The following INSL6 variants were observed in gnomAD, a reference collection of about 807,000 sequenced individuals.
The protein encoded by INSL6 is insulin like 6.
Under a neutral mutation model 9.4 loss-of-function variants are expected in INSL6, and 16 were observed. That is an observed-to-expected ratio of 1.70 (90% CI 1.15 to 2.59). INSL6 has a LOEUF of 2.59. Ranked by LOEUF, INSL6 falls within the 30% of genes most tolerant of loss-of-function variation. INSL6 has a pLI of 0.00. For missense variants in INSL6, 391 were observed against 257.3 expected (o/e 1.52, Z -3.56); for synonymous variants, 154 against 96.9 (o/e 1.59, Z -3.46).
chr9:4,997,035 C>G, the INSL6 span, among the ~76,000 whole-genome samples: 1 of 149,652 alleles, frequency 6.7e-6, no homozygotes, highest in Non-Finnish European at 1.5e-5. Context: ...GTCCAGTGAT[C>G]CTCCTACCTC....
the INSL6 span, chr9:5,064,915 G>C: frequency 6.3e-7 from 1 of 1,594,484 alleles, no homozygotes; most frequent in African/African-American, 1.4e-5. Flanking sequence ...GGGAAGCTTT[G>C]TCTTTCGTGT....
the INSL6 span, chr9:5,110,871 G>A: frequency 9.8e-6 from 5 of 512,132 alleles, no homozygotes; most frequent in Non-Finnish European, 1.9e-5. Flanking sequence ...GCCGCGCCCA[G>A]CAGGGTTTCC....
chr9:5,121,235 C>T (rs1823597446), downstream of INSL6, among the ~76,000 whole-genome samples: 1 of 152,144 alleles, frequency 6.6e-6, no homozygotes, highest in South Asian at 2.1e-4. Flanking sequence ...TGATGTGTAT[C>T]ACAAGCAGTC....
chr9:5,073,514 G>A, the INSL6 span, among the ~76,000 whole-genome samples: 1 of 152,072 alleles, frequency 6.6e-6, no homozygotes, highest in Non-Finnish European at 1.5e-5. Flanking sequence ...CTTACACAGG[G>A]GTTTCCTCAG....
At chr9:5,103,697 C>A in the INSL6 span, among the ~76,000 whole-genome samples, 1 of 152,064 alleles carries the variant, frequency 6.6e-6, no homozygotes, top group Admixed American at 6.5e-5. Flanking sequence ...CGTAAAAGAA[C>A]AGATATCACA....
chr9:5,089,500 T>C, the INSL6 span, among the ~76,000 whole-genome samples: 1 of 122,008 alleles, frequency 8.2e-6, no homozygotes, highest in Non-Finnish European at 1.6e-5. Context: ...ATCGTGCCAC[T>C]GCACTCCAAC....
At chr9:5,157,101 C>G (rs978713545) in intron 2 of INSL6, among the ~76,000 whole-genome samples, 2 of 152,052 alleles carry the variant, frequency 1.3e-5, no homozygotes, top group African/African-American at 4.8e-5. Context: ...CAAAATATTG[C>G]TGAAATTAAA....
At chr9:5,160,056 ATTCCAGCT>A (rs1824893172), downstream of INSL6, among the ~76,000 whole-genome samples, 1 of 151,966 alleles carries the variant, frequency 6.6e-6, no homozygotes, top group South Asian at 2.1e-4. Flanking sequence ...GGTGCCTGTA[ATTCCAGCT>A]ACTCAGGAGG....
the INSL6 span, among the ~76,000 whole-genome samples, chr9:5,077,299 C>T: frequency 2.0e-5 from 3 of 150,762 alleles, no homozygotes; most frequent in Non-Finnish European, 3.0e-5. Context: ...AAATATAATG[C>T]TGTGTATCCA....
chr9:5,114,273 C>G, the INSL6 span: 1 of 544,844 alleles, frequency 1.8e-6, no homozygotes, highest in South Asian at 1.6e-5. Context: ...GGACCTGGCA[C>G]CCAGCAAGGA....
At chr9:5,120,191 T>G (rs559253860), downstream of INSL6, among the ~76,000 whole-genome samples, 1 of 152,318 alleles carries the variant, frequency 6.6e-6, no homozygotes, top group South Asian at 2.1e-4. Flanking sequence ...TGTCCTCACA[T>G]GGACAAAAGT....
At position 5,149,407 on chromosome 9, in the gene INSL6, C is replaced by T. The variant is rs570436281; in HGVS notation, c.376+14772G>A. Among the ~76,000 whole-genome samples the T allele has an allele frequency of 8.5e-5, 13 of 152,262 alleles. No homozygotes were observed. In the East Asian group the frequency reaches 2.1e-3, roughly 25 times the overall value. On this transcript the variant is annotated intron_variant, in intron 2 of 3. Transcript: ENST00000649639. ...GCATCTACTCAGCCATCTTGCTTAC[C>T]TTCCTACCCACCATGATCTCAGCAG...
At chr9:5,142,135 GA>G (rs1824513044) in intron 2 of INSL6, among the ~76,000 whole-genome samples, 1 of 152,196 alleles carries the variant, frequency 6.6e-6, no homozygotes, top group Admixed American at 6.5e-5. Flanking sequence ...AGTGCAGTTT[GA>G]AATAGGGTAG....
chr9:5,034,553 G>C, the INSL6 span, among the ~76,000 whole-genome samples: 2 of 151,988 alleles, frequency 1.3e-5, no homozygotes, highest in African/African-American at 4.8e-5. Context: ...AGACCACAGT[G>C]CAATCAAACT....
the INSL6 span, among the ~76,000 whole-genome samples, chr9:5,089,469 C>T: frequency 2.4e-5 from 3 of 124,616 alleles, no homozygotes; most frequent in African/African-American, 6.3e-5. Flanking sequence ...ACCCAGGGGG[C>T]GGAGCTTGCA....
At chr9:5,071,218 AACC>A in the INSL6 span, among the ~76,000 whole-genome samples, 3 of 152,174 alleles carry the variant, frequency 2.0e-5, no homozygotes, top group African/African-American at 7.2e-5. Flanking sequence ...ACATACTCTT[AACC>A]TAGGCAACCC....
At chr9:5,111,900 C>T in the INSL6 span, 31 of 354,446 alleles carry the variant, frequency 8.7e-5, no homozygotes, top group African/African-American at 6.2e-4. Context: ...GGGACGCCCT[C>T]GGGAAGGCCT....
chr9:5,149,754 C>T (rs1824675918), intron 2 of INSL6, among the ~76,000 whole-genome samples: 1 of 151,924 alleles, frequency 6.6e-6, no homozygotes, highest in Admixed American at 6.6e-5. Flanking sequence ...TCACAAGGAA[C>T]CAAAAAGAGC....
the INSL6 span, among the ~76,000 whole-genome samples, chr9:5,074,070 G>A: frequency 2.0e-5 from 3 of 152,148 alleles, no homozygotes; most frequent in East Asian, 5.8e-4. Context: ...AAGAGATTAT[G>A]GCAGGTTCAA....
Sources: allele counts gnomAD v4.1 joint callset (sites outside exome capture counted in the v4.1 genomes callset), GRCh38; gene constraint gnomAD v4.1.1; transcripts MANE v1.5; gene names NCBI Gene and HGNC (gene_info 2026-07-23, HGNC 2026-07-21).